The following CPNE5 variants were observed in gnomAD, a reference collection of about 807,000 sequenced individuals.
The protein encoded by CPNE5 is copine-5.
Under a neutral mutation model 81.1 loss-of-function variants are expected in CPNE5, and 42 were observed. That is an observed-to-expected ratio of 0.52 (90% CI 0.40 to 0.67). The LOEUF is 0.67. Among genes scored for constraint, CPNE5 ranks in the 30% least tolerant of loss-of-function variants. The pLI, the probability that CPNE5 is intolerant of heterozygous loss-of-function variation, is 0.00. For missense variants in CPNE5, 612 were observed against 815.5 expected (o/e 0.75, Z 3.04); for synonymous variants, 313 against 321.5 (o/e 0.97, Z 0.28).
At chr6:36,796,372 G>T (rs1296963260) in intron 6 of CPNE5, among the ~76,000 whole-genome samples, 1 of 152,228 alleles carries the variant, frequency 6.6e-6, no homozygotes, top group Non-Finnish European at 1.5e-5. Flanking sequence ...CGGTGGACCA[G>T]GTGAGATCAG....
Position 36,766,367 on chromosome 6 carries a change from C to A in CPNE5, c.738-991G>T, listed in dbSNP as rs1166269553. 1.3e-5 allele frequency among the ~76,000 whole-genome samples: 2 copies of A among 152,184 alleles called. No homozygotes were observed. Among genetic ancestry groups the A allele is most frequent in the Admixed American group, 6.5e-5 (1 of 15,278 alleles). ...CCTTTCAGATGAGCATCCTCAGGAC[C>A]AAGGGTAGGCGACAGATCCACCGCA... On this transcript the variant is annotated intron_variant, in intron 10 of 20. Coordinates refer to ENST00000244751, the MANE Select transcript of CPNE5 (RefSeq NM_020939.2). The surrounding 1 kb of genome is among the most constrained non-coding windows in gnomAD (Gnocchi z 4.2).
chr6:36,791,944 C>G, intron 8 of CPNE5, 89 bp downstream of exon 8: 1 of 1,151,014 alleles, frequency 8.7e-7, no homozygotes, highest in Non-Finnish European at 1.3e-6. Context: ...TGTCTACCCT[C>G]GGTTCCCTCC....
At chr6:36,806,803 A>C (rs1770636007) in intron 3 of CPNE5, among the ~76,000 whole-genome samples, 1 of 152,168 alleles carries the variant, frequency 6.6e-6, no homozygotes, top group Non-Finnish European at 1.5e-5. Flanking sequence ...ATGACTCCCG[A>C]TCATGCAGCA....
upstream of CPNE5, chr6:36,839,680 AG>A (rs2150643823): frequency 7.1e-6 from 1 of 141,104 alleles, no homozygotes; most frequent in East Asian, 2.5e-4. This position sits in a 1 kb window ranked among gnomAD's most constrained non-coding sequence, Gnocchi z 7.3. Context: ...GCGCGGGGAG[AG>A]GGGCTCGGGG....
intron 10 of CPNE5, among the ~76,000 whole-genome samples, chr6:36,769,592 T>C (rs997968738): frequency 2.0e-5 from 3 of 152,230 alleles, no homozygotes; most frequent in Non-Finnish European, 4.4e-5. Flanking sequence ...TTAAATGGAC[T>C]TGAGTCAGTC....
At position 36,756,387 on chromosome 6, in the gene CPNE5, C is replaced by T. The variant is rs116348640; in HGVS notation, c.856-89G>A. On this transcript the variant is annotated intron_variant, in intron 12 of 20. Coordinates refer to ENST00000244751, the MANE Select transcript of CPNE5 (RefSeq NM_020939.2). ...CTTCCAACCACCCATGGGTGTGGTC[C>T]AAGCCCAGCCCCATTAGAGTGTGGG... The T allele has an allele frequency of 4.6e-3, 4,974 of 1,073,564 alleles. 18 individuals are homozygous for T. The highest frequency in any genetic ancestry group is 6.4e-3 in the Non-Finnish European group (4,495 of 703,628). 66.5% of individuals were successfully genotyped at this position (1,073,564 alleles called of 1,614,324 possible). A position where few individuals can be genotyped will look rare whatever the true frequency, so the allele number is the denominator to read the frequency against.
chr6:36,778,832 C>G (rs900337210), intron 9 of CPNE5, 22 bp downstream of exon 9: 5 of 1,505,716 alleles, frequency 3.3e-6, no homozygotes, highest in Non-Finnish European at 4.6e-6. Context: ...GTGCAGTGCA[C>G]AAGTGTCCCC....
At chr6:36,776,113 C>T in intron 9 of CPNE5, among the ~76,000 whole-genome samples, 1 of 152,210 alleles carries the variant, frequency 6.6e-6, no homozygotes, top group East Asian at 1.9e-4. Context: ...CCACGCCATG[C>T]TTGGCTGGAC....
chr6:36,762,588 C>A (rs957896930), intron 12 of CPNE5, among the ~76,000 whole-genome samples: 2 of 152,192 alleles, frequency 1.3e-5, no homozygotes, highest in African/African-American at 2.4e-5. Flanking sequence ...AGGTCTCAAG[C>A]CCAGAACCTT....
chr6:36,837,562 C>T (rs991940861), intron 1 of CPNE5, among the ~76,000 whole-genome samples: 2 of 152,132 alleles, frequency 1.3e-5, no homozygotes, highest in African/African-American at 2.4e-5. Flanking sequence ...GTTTCATCCT[C>T]AGTATGTGAG....
At chr6:36,837,678 G>A (rs1326459993) in intron 1 of CPNE5, among the ~76,000 whole-genome samples, 1 of 152,172 alleles carries the variant, frequency 6.6e-6, no homozygotes, top group Non-Finnish European at 1.5e-5. Context: ...TGGGGAGCGT[G>A]AGGCCAGGCT....
At chr6:36,750,668 C>T (rs7773454) in intron 14 of CPNE5, among the ~76,000 whole-genome samples, 27,920 of 152,132 alleles carry the variant, frequency 0.18, 2,645 homozygotes, top group African/African-American at 0.23. Flanking sequence ...TTGTCACCCC[C>T]GCTTCAGTGT....
chr6:36,824,662 C>A (rs546842943), intron 1 of CPNE5, among the ~76,000 whole-genome samples: 1 of 152,324 alleles, frequency 6.6e-6, no homozygotes, highest in South Asian at 2.1e-4. Flanking sequence ...AATATCAGAG[C>A]TAGGCCGGGT....
At chr6:36,768,630 A>C (rs554869057) in intron 10 of CPNE5, among the ~76,000 whole-genome samples, 1 of 152,294 alleles carries the variant, frequency 6.6e-6, no homozygotes, top group Admixed American at 6.5e-5. Context: ...ACCCCTTAGC[A>C]CAGGGCCAAC....
intron 10 of CPNE5, among the ~76,000 whole-genome samples, chr6:36,774,505 G>T (rs1425916799): frequency 6.6e-6 from 1 of 152,218 alleles, no homozygotes; most frequent in Non-Finnish European, 1.5e-5. Context: ...GCCAGGAATT[G>T]GGACCAGCTG....
At position 36,753,100 on chromosome 6, in the gene CPNE5, A is replaced by G; in HGVS notation, c.910-5T>C. On this transcript the variant is annotated splice_region_variant and splice_polypyrimidine_tract_variant and intron_variant, in intron 13 of 20. Transcript: ENST00000244751. ...AGCAAAGGAAAGCAGGGTGACCTTC[A>G]AAACAAAAGGGAGCTTGGTCAGTGG... is the stretch of plus-strand genomic sequence containing the variant. The G allele has an allele frequency of 4.3e-6, 7 of 1,612,682 alleles. No homozygotes were observed. The Admixed American group carries it at 1.2e-4, about 27-fold the overall frequency.
chr6:36,792,328 C>G, intron 7 of CPNE5: 1 of 1,523,966 alleles, frequency 6.6e-7, no homozygotes, highest in Non-Finnish European at 8.8e-7. Context: ...CCCTGCTCCC[C>G]GAGAGCCCAC....
chr6:36,792,449 G>T lies in CPNE5; in HGVS notation c.465-353C>A. On this transcript the variant is annotated intron_variant, in intron 7 of 20. Transcript: ENST00000244751. ...AACTTTCCATCCAAAGACCACTTCT[G>T]TGGGCAAAAGACCTCATGGGCTAGC... The T allele has an allele frequency of 3.0e-6, 4 of 1,312,976 alleles. No individual in the cohort carries two copies. The South Asian group carries it at 3.7e-5, about 12-fold the overall frequency. 81.3% of individuals were successfully genotyped at this position (1,312,976 alleles called of 1,614,324 possible). A position where few individuals can be genotyped will look rare whatever the true frequency, so the allele number is the denominator to read the frequency against.
At position 36,800,471 on chromosome 6, in the gene CPNE5, A is replaced by G. The variant is rs572792841; in HGVS notation, c.184-401T>C. Among the ~76,000 whole-genome samples, 12 of 152,100 alleles carry G rather than the reference A, an allele frequency of 7.9e-5. No homozygotes were observed. In the East Asian group the frequency reaches 2.1e-3, roughly 27 times the overall value. On this transcript the variant is annotated intron_variant, in intron 3 of 20. Coordinates refer to ENST00000244751, the MANE Select transcript of CPNE5 (RefSeq NM_020939.2). Reference sequence around the variant, plus strand: ...GAGAATTTTATTTCTCTGAGCCTCCACCGAACTTGCGCCCACTCCATGACC... The same window carrying G: ...GAGAATTTTATTTCTCTGAGCCTCCGCCGAACTTGCGCCCACTCCATGACC...
Sources: allele counts gnomAD v4.1 joint callset (sites outside exome capture counted in the v4.1 genomes callset), GRCh38; gene constraint gnomAD v4.1.1; non-coding constraint Gnocchi (gnomAD v3.1); transcripts MANE v1.5; gene names NCBI Gene and HGNC (gene_info 2026-07-23, HGNC 2026-07-21).